Variants in ZNF532 observed in about 807,000 individuals in gnomAD.
The protein encoded by ZNF532 is zinc finger protein 532.
A neutral mutation model predicts 89.3 loss-of-function variants in ZNF532; 22 were observed. The ratio of observed to expected loss-of-function variants is 0.25; its 90% CI spans 0.18 to 0.35. The LOEUF (loss-of-function observed/expected upper bound fraction) is 0.35, where lower values mean the gene tolerates loss of function less well. Ranked by LOEUF, ZNF532 falls within the 10% of genes least tolerant of loss-of-function variation. The probability of loss-of-function intolerance (pLI) is 1.00; values close to 1 mark genes in which losing one functional copy is unlikely to be tolerated. For synonymous variants in ZNF532, 606 were observed against 649.6 expected, an observed-to-expected ratio of 0.93 and a Z score of 1.02; for missense variants, 1,132 against 1,643.4, an observed-to-expected ratio of 0.69 and a Z score of 5.38.
At chr18:58,963,449 C>G (rs534610446) in intron 7 of ZNF532, among the ~76,000 whole-genome samples, 1 of 152,034 alleles carries the variant, frequency 6.6e-6, no homozygotes, top group East Asian at 1.9e-4. Context: ...GAGAGATGAC[C>G]ACAGCCACTG....
chr18:58,949,031 CTT>C (rs748660347), intron 6 of ZNF532, among the ~76,000 whole-genome samples: 1 of 141,606 alleles, frequency 7.1e-6, no homozygotes. Flanking sequence ...CTTTTAGTTT[CTT>C]TTTTTTTTTT....
chr18:58,941,972 C>CTCTCTCCCTCCT (rs2063102758), intron 5 of ZNF532, among the ~76,000 whole-genome samples: 2 of 129,496 alleles, frequency 1.5e-5, no homozygotes. Flanking sequence ...CTCTCCCTCC[C>CTCTCTCCCTCCT]TCCCTCCTTC....
intron 7 of ZNF532, among the ~76,000 whole-genome samples, chr18:58,971,425 C>G (rs926398795): frequency 1.3e-5 from 2 of 152,230 alleles, no homozygotes; most frequent in African/African-American, 4.8e-5. Context: ...GATCAGCAAA[C>G]TGCGTTTCAT....
intron 2 of ZNF532, among the ~76,000 whole-genome samples, chr18:58,887,152 ATTCCGCAACAC>A (rs1357557329): frequency 6.6e-6 from 1 of 152,224 alleles, no homozygotes; most frequent in Non-Finnish European, 1.5e-5. Flanking sequence ...TAGGTGGCTT[ATTCCGCAACAC>A]AGTTGCGTAG....
rs377631745 is a variant in ZNF532 at position 58,918,541 on chromosome 18, C to A, written c.254C>A (p.Thr85Asn). 2.3e-5 allele frequency: 37 copies of A among 1,614,124 alleles called. No individual in the cohort carries two copies. Among genetic ancestry groups the A allele is most frequent in the Non-Finnish European group, 3.1e-5 (37 of 1,180,058 alleles). Residue 85 changes from threonine (T) to asparagine (N), a missense_variant, in exon 3 of 10, where the codon ACT becomes AAT. Physicochemically the swap from Thr to Asn is moderately conservative, Grantham distance 65 (BLOSUM62 0). This residue lies in a region of ZNF532 where 302 missense variants were observed against 319.8 expected (regional missense o/e 0.94). Transcript: ENST00000591808. The part of the protein sequence containing the change: ...EGGEKDGHNP[T>N]GNGLHNGFLT... ...GGGGAGAAAGACGGCCACAACCCCA[C>A]TGGCAATGGCTTACATAATGGGTTT...
intron 2 of ZNF532, among the ~76,000 whole-genome samples, chr18:58,876,477 T>G (rs945948629): frequency 1.3e-5 from 2 of 152,168 alleles, no homozygotes; most frequent in Admixed American, 1.3e-4. Context: ...GCTTGGCATG[T>G]GATGCTAGCA....
chr18:58,884,979 G>GTTTTTTTTT (rs34689408), intron 2 of ZNF532, among the ~76,000 whole-genome samples: 3 of 138,104 alleles, frequency 2.2e-5, no homozygotes, highest in African/African-American at 5.4e-5. Flanking sequence ...CAGTACAAGG[G>GTTTTTTTTT]TTTTTTTTTT....
chr18:58,963,939 T>G (rs779024529), intron 7 of ZNF532: 1 of 152,268 alleles, frequency 6.6e-6, no homozygotes, highest in Non-Finnish European at 1.5e-5. Context: ...TGAAACTTGT[T>G]TAGATAACTT....
chr18:58,942,908 C>T (rs755494058), intron 5 of ZNF532, among the ~76,000 whole-genome samples: 1 of 152,164 alleles, frequency 6.6e-6, no homozygotes, highest in Non-Finnish European at 1.5e-5. Flanking sequence ...AAAATAACCT[C>T]TCACCCGTTT....
Position 58,919,073 on chromosome 18 carries a change from G to C in ZNF532, c.786G>C (p.Lys262Asn). 1 of 1,614,114 alleles carries C rather than the reference G, an allele frequency of 6.2e-7. No homozygotes were observed. Among genetic ancestry groups the C allele is most frequent in the Non-Finnish European group, 8.5e-7 (1 of 1,180,034 alleles). Residue 262 changes from lysine to asparagine, a missense_variant, in exon 3 of 10, where the codon AAG becomes AAC. Physicochemically the swap from Lys to Asn is moderately conservative, Grantham distance 94 (BLOSUM62 0). This residue lies in a region of ZNF532 where 302 missense variants were observed against 319.8 expected (regional missense o/e 0.94). Coordinates refer to ENST00000591808, the MANE Select transcript of ZNF532 (RefSeq NM_001375912.1). This position sits in a 1 kb window ranked among gnomAD's most constrained non-coding sequence, Gnocchi z 6.1. ...SLPSVAPSKT[K>N]SSSKLSSCIA... ...CCAGCGTTGCGCCATCAAAGACAAAGTCGTCCTCCAAGCTCTCGTCCTGCA... is the reference window on the plus strand; with the variant it reads ...CCAGCGTTGCGCCATCAAAGACAAACTCGTCCTCCAAGCTCTCGTCCTGCA...
intron 3 of ZNF532, among the ~76,000 whole-genome samples, chr18:58,933,533 T>C (rs947604639): frequency 6.6e-6 from 1 of 152,242 alleles, no homozygotes; most frequent in Non-Finnish European, 1.5e-5. Flanking sequence ...ATAATTTGTG[T>C]TTGCACGAAT....
At chr18:58,914,262 C>T (rs142298868) in intron 2 of ZNF532, among the ~76,000 whole-genome samples, 73 of 152,258 alleles carry the variant, frequency 4.8e-4, no homozygotes, top group Admixed American at 1.4e-3. Context: ...CTTTCAATTT[C>T]CTTTTTTGTA....
chr18:58,934,662 A>G, intron 4 of ZNF532, 48 bp downstream of exon 4: 1 of 1,559,690 alleles, frequency 6.4e-7, no homozygotes, highest in Non-Finnish European at 8.7e-7. Flanking sequence ...TTCACTTACA[A>G]CCGCACAGCA....
intron 3 of ZNF532, among the ~76,000 whole-genome samples, chr18:58,924,161 A>G (rs77192839): frequency 0.094 from 14,240 of 152,218 alleles, 1,206 homozygotes; most frequent in East Asian, 0.39. Flanking sequence ...CCCGGCTAGC[A>G]TTCCATGTAT....
chr18:58,921,080 T>C (rs1177867706), intron 3 of ZNF532, among the ~76,000 whole-genome samples: 1 of 151,494 alleles, frequency 6.6e-6, no homozygotes, highest in Non-Finnish European at 1.5e-5. Context: ...TGGGGCGAGA[T>C]CATATCTCTT....
chr18:58,977,089 C>T (rs891910054), intron 7 of ZNF532, among the ~76,000 whole-genome samples: 2 of 152,124 alleles, frequency 1.3e-5, no homozygotes, highest in Admixed American at 6.5e-5. Context: ...TTGTTTCCCC[C>T]AGAGATGAAC....
At chr18:58,913,675 A>G (rs2060421859) in intron 2 of ZNF532, among the ~76,000 whole-genome samples, 1 of 152,184 alleles carries the variant, frequency 6.6e-6, no homozygotes, top group Non-Finnish European at 1.5e-5. Context: ...GAAGGGTCTC[A>G]GTGGCCAGAT....
chr18:58,916,217 T>C (rs1426501007), intron 2 of ZNF532, among the ~76,000 whole-genome samples: 6 of 152,232 alleles, frequency 3.9e-5, no homozygotes, highest in African/African-American at 1.4e-4. Context: ...GGATGATGAA[T>C]AGAAAGAAGA....
At chr18:58,910,983 ATCATCC>A (rs1247826827) in intron 2 of ZNF532, among the ~76,000 whole-genome samples, 1 of 152,126 alleles carries the variant, frequency 6.6e-6, no homozygotes, top group Non-Finnish European at 1.5e-5. Context: ...GGCTCAACCA[ATCATCC>A]TGCCTTGGCC....
Sources: gnomAD v4.1 joint callset for allele counts (sites outside exome capture counted in the v4.1 genomes callset) on GRCh38, gnomAD v4.1.1 for gene constraint, gnomAD v4.1.1 regional missense constraint, Gnocchi (gnomAD v3.1) non-coding constraint, MANE v1.5 for transcripts, NCBI Gene and HGNC (gene_info 2026-07-23, HGNC 2026-07-21) for gene names.